GLDC: variants seen among roughly 807,000 people sequenced by gnomAD.
GLDC encodes glycine dehydrogenase (decarboxylating), mitochondrial.
A neutral mutation model predicts 121.3 loss-of-function variants in GLDC; 104 were observed. That is an observed-to-expected ratio of 0.86 (90% CI 0.73 to 1.01). The LOEUF is 1.01. GLDC is among the 50% of genes least tolerant of loss of function. GLDC has a pLI of 0.00. For missense variants in GLDC, 1,429 were observed against 1,306.6 expected (o/e 1.09, Z -1.44); for synonymous variants, 546 against 480.6 (o/e 1.14, Z -1.78).
chr9:6,634,288 G>A (rs1819453291), intron 2 of GLDC, among the ~76,000 whole-genome samples: 1 of 152,014 alleles, frequency 6.6e-6, no homozygotes, highest in Admixed American at 6.6e-5. Flanking sequence ...CCAGCACTTT[G>A]AGAGGCCAAG....
Position 6,635,729 on chromosome 9 carries a change from A to T in GLDC, c.334+8885T>A, listed in dbSNP as rs760600722. On this transcript the variant is annotated intron_variant, in intron 2 of 24. Transcript: ENST00000321612. ...TGTCTACAAAAAAATTTAAAAAATT[A>T]GCCAGGTGCTGTGGTTCTCCTTGTG... 4.6e-5 allele frequency among the ~76,000 whole-genome samples: 7 copies of T among 152,132 alleles called. No homozygotes were observed. The East Asian group carries it at 1.4e-3, about 29-fold the overall frequency.
chr9:6,607,223 T>C (rs1818753437), intron 4 of GLDC, among the ~76,000 whole-genome samples: 1 of 152,098 alleles, frequency 6.6e-6, no homozygotes, highest in Non-Finnish European at 1.5e-5. Context: ...TTTTAAAAAA[T>C]GGTTCAAAAT....
chr9:6,588,975 C>T (rs1409323608), intron 12 of GLDC, among the ~76,000 whole-genome samples: 1 of 152,168 alleles, frequency 6.6e-6, no homozygotes, highest in African/African-American at 2.4e-5. Context: ...GGCAATTATT[C>T]ATCCCTGCTT....
intron 1 of GLDC, 137 bp from the exon 2 acceptor site, chr9:6,644,829 CTG>C (rs1033575579): frequency 1.4e-6 from 1 of 701,360 alleles, no homozygotes; most frequent in African/African-American, 1.8e-5. Flanking sequence ...AAGGAAAACT[CTG>C]AGCAAGCCAG....
At chr9:6,593,027 G>C (rs535206024) in intron 9 of GLDC, 37 bp from the exon 10 acceptor site, 3 of 1,609,952 alleles carry the variant, frequency 1.9e-6, no homozygotes, top group South Asian at 1.1e-5. Context: ...CTCTCATATA[G>C]AAACCTGCTC....
At chr9:6,561,531 C>A (rs1817759822) in intron 16 of GLDC, among the ~76,000 whole-genome samples, 1 of 152,128 alleles carries the variant, frequency 6.6e-6, no homozygotes, top group African/African-American at 2.4e-5. Context: ...CGCCTACAGT[C>A]CCAGCTACTT....
intron 3 of GLDC, among the ~76,000 whole-genome samples, chr9:6,614,736 G>A (rs1818934419): frequency 6.6e-6 from 1 of 152,052 alleles, no homozygotes; most frequent in Non-Finnish European, 1.5e-5. Flanking sequence ...ACAGAAATAT[G>A]CTCTGAGAAA....
chr9:6,550,238 T>C (rs576594343), intron 21 of GLDC, among the ~76,000 whole-genome samples: 1 of 152,326 alleles, frequency 6.6e-6, no homozygotes, highest in South Asian at 2.1e-4. Context: ...ATGTACACAT[T>C]TCAGTGTTGT....
In GLDC at chr9:6,620,231, G is replaced by A. The variant is rs777018480; in HGVS notation, c.423C>T (p.Cys141=). The part of the protein sequence containing the change: ...RSYIGMGYYN[C]SVPQTILRNL... ...TCCGCAAAATCGTCTGTGGCACTGA[G>A]CAGTTATAATAGCCCATGCCAATAT... The change falls in exon 3 of 25, where the codon TGC becomes TGT. Residue 141 remains cysteine (C), a synonymous_variant. Transcript: ENST00000321612. 3 of 1,613,452 alleles carry A rather than the reference G, an allele frequency of 1.9e-6. No homozygotes were observed. The highest frequency in any genetic ancestry group is 1.3e-5 in the African/African-American group (1 of 75,028).
intron 23 of GLDC, 92 bp downstream of exon 23, chr9:6,535,972 T>G: frequency 1.9e-6 from 2 of 1,052,178 alleles, no homozygotes; most frequent in South Asian, 1.3e-5. Context: ...AGTATCATCC[T>G]CAGTTGAGAG....
chr9:6,592,350 A>C, intron 10 of GLDC, 127 bp from the exon 11 acceptor site: 1 of 722,454 alleles, frequency 1.4e-6, no homozygotes, highest in Admixed American at 2.0e-5. Flanking sequence ...TCAGGGTACA[A>C]TTATCTCCAC....
At chr9:6,554,194 A>G (rs905204303) in intron 19 of GLDC, among the ~76,000 whole-genome samples, 1 of 152,294 alleles carries the variant, frequency 6.6e-6, no homozygotes, top group East Asian at 1.9e-4. Context: ...CTCTGGCTTC[A>G]TCCAATTATT....
At chr9:6,621,587 G>A in intron 2 of GLDC, among the ~76,000 whole-genome samples, 1 of 152,164 alleles carries the variant, frequency 6.6e-6, no homozygotes, top group South Asian at 2.1e-4. Flanking sequence ...GCTCGATCTT[G>A]GCTCACTGCA....
chr9:6,608,971 A>G (rs924070384), intron 4 of GLDC, among the ~76,000 whole-genome samples: 11 of 152,174 alleles, frequency 7.2e-5, no homozygotes, highest in Admixed American at 3.3e-4. Flanking sequence ...GCTGGAATGC[A>G]CCAGAGGCCT....
chr9:6,560,682 T>G (rs1817736838), intron 16 of GLDC, among the ~76,000 whole-genome samples: 1 of 152,140 alleles, frequency 6.6e-6, no homozygotes, highest in Non-Finnish European at 1.5e-5. Context: ...AATGAAGAAT[T>G]CATACCAGGT....
At chr9:6,645,099 A>G (rs1819714186) in intron 1 of GLDC, 146 bp downstream of exon 1, 2 of 760,610 alleles carry the variant, frequency 2.6e-6, no homozygotes, top group Admixed American at 3.1e-5. Context: ...AAAGGCACGA[A>G]TTTGCTTCCA....
chr9:6,626,034 G>A lies in GLDC; in HGVS notation c.335-5715C>T, dbSNP rs375585218. ...TGAGAACACAAAATGCCACCCCTCT[G>A]CCTGCCTTCAGCAAAAATCTATGCT... On this transcript the variant is annotated intron_variant, in intron 2 of 24. Transcript: ENST00000321612. Among the ~76,000 whole-genome samples, 39 of 151,970 alleles carry A rather than the reference G, an allele frequency of 2.6e-4. No homozygotes were observed. In the East Asian group the frequency reaches 5.1e-3, roughly 20 times the overall value.
chr9:6,604,211 G>A (rs953909915), intron 7 of GLDC, among the ~76,000 whole-genome samples: 31 of 152,304 alleles, frequency 2.0e-4, no homozygotes, highest in Non-Finnish European at 4.3e-4. Context: ...AACTCAGTGT[G>A]TACTTTGCAG....
At chr9:6,600,479 C>G (rs2129879770) in intron 8 of GLDC, among the ~76,000 whole-genome samples, 2 of 151,930 alleles carry the variant, frequency 1.3e-5, no homozygotes, top group Non-Finnish European at 2.9e-5. Flanking sequence ...GCGTTTGAGA[C>G]CAGCCTGGCC....
Sources: allele counts gnomAD v4.1 joint callset (sites outside exome capture counted in the v4.1 genomes callset), GRCh38; gene constraint gnomAD v4.1.1; transcripts MANE v1.5; gene names NCBI Gene and HGNC (gene_info 2026-07-23, HGNC 2026-07-21).